EPB42: variants seen among roughly 807,000 people sequenced by gnomAD.
EPB42 encodes the protein erythrocyte membrane protein band 4.2.
In EPB42, 49 loss-of-function variants were observed where a neutral mutation model predicts 76.9. The observed-to-expected ratio is 0.64, with a 90% confidence interval of 0.51 to 0.81. EPB42 has a LOEUF of 0.81. EPB42 is among the 30% of genes least tolerant of loss of function. EPB42 has a pLI of 0.00. For missense variants in EPB42, 731 were observed against 867.6 expected (o/e 0.84, Z 1.98); for synonymous variants, 310 against 338.4 (o/e 0.92, Z 0.92).
In EPB42 at chr15:43,211,463, G is replaced by A; in HGVS notation, c.502C>T (p.Leu168=). ...GCCTGGATGCAGTCAGCTGTACCCA[G>A]GTAGATGAGACCATTCTGGTTCAAC... ...YLLNQNGLIY[L]GTADCIQAES... is the part of the protein sequence containing the mutation. Residue 168 remains leucine (L), a synonymous_variant, in exon 4 of 13, where the codon CTG becomes TTG. Transcript: ENST00000441366. 1.2e-6 allele frequency: 2 copies of A among 1,614,140 alleles called. No individual in the cohort carries two copies. The highest frequency in any genetic ancestry group is 1.7e-6 in the Non-Finnish European group (2 of 1,179,962).
chr15:43,217,527 G>C (rs997372301), intron 1 of EPB42, among the ~76,000 whole-genome samples: 1 of 114,946 alleles, frequency 8.7e-6, no homozygotes, highest in Admixed American at 1.1e-4. Flanking sequence ...GCAAGATAAG[G>C]AACAATGCTG....
chr15:43,202,523 G>C (rs149514084), intron 11 of EPB42, among the ~76,000 whole-genome samples: 8 of 152,280 alleles, frequency 5.3e-5, no homozygotes, highest in African/African-American at 1.2e-4. Context: ...AATTCCCTTT[G>C]CTTCACTTAT....
At position 43,208,738 on chromosome 15, in the gene EPB42, G is replaced by C. The variant is rs761816206; in HGVS notation, c.870C>G (p.Thr290=). 2 of 1,614,186 alleles carry C rather than the reference G, an allele frequency of 1.2e-6. No homozygotes were observed. The highest frequency in any genetic ancestry group is 4.5e-5 in the East Asian group (2 of 44,886). Residue 290 remains threonine, a synonymous_variant, in exon 7 of 13, where the codon ACC becomes ACG. Coordinates refer to ENST00000441366, the MANE Select transcript of EPB42 (RefSeq NM_001114134.2). ...RCLGIPARVV[T]TFASAQGTGG... The stretch of plus-strand genomic sequence containing the variant: ...CGGTGCCCTGTGCTGAGGCAAACGT[G>C]GTCACCACGCGGGCAGGGATTCCCA...
At chr15:43,201,211 C>T (rs2042119286) in intron 12 of EPB42, among the ~76,000 whole-genome samples, 1 of 152,158 alleles carries the variant, frequency 6.6e-6, no homozygotes, top group African/African-American at 2.4e-5. Context: ...TCTGGGTGCC[C>T]ATCTCTGTGG....
At chr15:43,212,632 G>A (rs535627128) in intron 3 of EPB42, among the ~76,000 whole-genome samples, 22 of 152,242 alleles carry the variant, frequency 1.4e-4, no homozygotes, top group Non-Finnish European at 2.8e-4. Context: ...GCGGGGTTGA[G>A]AGGTGGAAGT....
At chr15:43,198,077 C>T (rs1355666132) in intron 12 of EPB42, among the ~76,000 whole-genome samples, 2 of 152,140 alleles carry the variant, frequency 1.3e-5, no homozygotes, top group African/African-American at 4.8e-5. Context: ...CTTTTTCTTC[C>T]CAGTCTCAGG....
Position 43,207,367 on chromosome 15 carries a change from C to G in EPB42, c.1150G>C (p.Asp384His). The change falls in exon 9 of 13, where the codon GAC becomes CAC. Residue 384 changes from aspartate (D) to histidine (H), a missense_variant. Transcript: ENST00000441366. The part of the protein sequence containing the change: ...GTLGLTPAVS[D>H]LFAAINASCV... ...GAGGCATTTATGGCAGCAAAAAGGT[C>G]TGACACTGCTGGGGTCAGCCCCAGC... 1.2e-6 allele frequency: 2 copies of G among 1,614,220 alleles called. No homozygotes were observed. The highest frequency in any genetic ancestry group is 1.7e-6 in the Non-Finnish European group (2 of 1,180,046).
At chr15:43,207,092 AT>A in intron 9 of EPB42, 106 bp downstream of exon 9, 1 of 1,530,956 alleles carries the variant, frequency 6.5e-7, no homozygotes, top group South Asian at 1.2e-5. Context: ...GTTTTATATG[AT>A]GCGGAAAGGA....
intron 1 of EPB42, among the ~76,000 whole-genome samples, chr15:43,219,796 A>G (rs927848243): frequency 6.6e-6 from 1 of 152,100 alleles, no homozygotes; most frequent in Non-Finnish European, 1.5e-5. Context: ...AATACAAAAA[A>G]TTAGCCGGGC....
At chr15:43,216,575 C>T (rs547637264) in intron 1 of EPB42, 122 bp from the exon 2 acceptor site, 114 of 1,072,252 alleles carry the variant, frequency 1.1e-4, no homozygotes, top group South Asian at 9.7e-4. Context: ...GTTTTAGCTG[C>T]GCAATCCCAG....
At position 43,215,209 on chromosome 15, in the gene EPB42, C is replaced by G. The variant is rs1272554514; in HGVS notation, c.316G>C (p.Val106Leu). ...ATGACAGCGTCCGCAGGTGTGGTCA[C>G]AGAGATGGTCCAGGACTGGGCATCT... is the stretch of plus-strand genomic sequence containing the variant. Reference protein sequence around the residue: ...ERDAQSWTISVTTPADAVIGH... With the variant: ...ERDAQSWTISLTTPADAVIGH... The change falls in exon 3 of 13, where the codon GTG becomes CTG. Residue 106 changes from valine (V) to leucine (L), a missense_variant. Val to Leu is a conservative substitution (Grantham distance 32). Coordinates refer to ENST00000441366, the MANE Select transcript of EPB42 (RefSeq NM_001114134.2). 4 of 1,614,134 alleles carry G rather than the reference C, an allele frequency of 2.5e-6. No individual in the cohort carries two copies. The Admixed American group carries it at 5.0e-5, about 20-fold the overall frequency.
At chr15:43,212,937 T>C (rs752677739) in intron 3 of EPB42, among the ~76,000 whole-genome samples, 4 of 152,098 alleles carry the variant, frequency 2.6e-5, no homozygotes, top group Non-Finnish European at 4.4e-5. Context: ...TAGGCTAACC[T>C]CTCTGGAGCC....
chr15:43,207,758 G>A (rs899545736), intron 8 of EPB42, among the ~76,000 whole-genome samples: 6 of 152,200 alleles, frequency 3.9e-5, no homozygotes, highest in African/African-American at 1.2e-4. Context: ...ACAGGAATAG[G>A]GCTACCTTTC....
Position 43,219,132 on chromosome 15 carries a change from C to T in EPB42, c.10+1684G>A, listed in dbSNP as rs530722434. On this transcript the variant is annotated intron_variant, in intron 1 of 12. Coordinates refer to ENST00000441366, the MANE Select transcript of EPB42 (RefSeq NM_001114134.2). ...TTGCCAAGTTCTGTTGTGTAAACTA[C>T]GCCCCCTGTGGCCAGTCTGAAGCTA... Among the ~76,000 whole-genome samples, 305 of 152,262 alleles carry T rather than the reference C, an allele frequency of 2.0e-3. 1 individual carries two copies. Among genetic ancestry groups the T allele is most frequent in the African/African-American group, 7.1e-3 (294 of 41,538 alleles).
At position 43,208,305 on chromosome 15, in the gene EPB42, T is replaced by G. The variant is rs532062661; in HGVS notation, c.1000A>C (p.Met334Leu). Residue 334 changes from methionine to leucine, a missense_variant, in exon 8 of 13, where the codon ATG becomes CTG. Met to Leu is a conservative substitution (Grantham distance 15). Transcript: ENST00000441366. The stretch of plus-strand genomic sequence containing the variant: ...CCCTGGGGCAAGGCAGGCCGCGTCA[T>G]CCAGCACTCTGTGGAAGTCTGGAAG... ...WIFQTSTECW[M>L]TRPALPQGYD... The G allele has an allele frequency of 9.9e-6, 16 of 1,614,106 alleles. No homozygotes were observed. In the Admixed American group the frequency reaches 2.5e-4, roughly 25 times the overall value.
rs377523204 is a variant in EPB42 at position 43,203,275 on chromosome 15, T to A, written c.1619A>T (p.Glu540Val). 2 of 1,614,064 alleles carry A rather than the reference T, an allele frequency of 1.2e-6. No individual in the cohort carries two copies. The highest frequency in any genetic ancestry group is 1.7e-6 in the Non-Finnish European group (2 of 1,180,046). Residue 540 changes from glutamate to valine, a missense_variant and splice_region_variant, in exon 11 of 13, where the codon GAA (glutamate) becomes GTA (valine). Glu to Val is a moderately radical substitution (Grantham distance 121). Coordinates refer to ENST00000441366, the MANE Select transcript of EPB42 (RefSeq NM_001114134.2). ...KLHLTLSANL[E>V]KIITIGLFFS... Reference sequence around the variant, plus strand: ...GAACAGGCCGATGGTTATTATCTTTTCTGAAACACATGACAGGTGGAGTCA... The same window carrying A: ...GAACAGGCCGATGGTTATTATCTTTACTGAAACACATGACAGGTGGAGTCA...
At chr15:43,220,458 A>AAATC (rs1436810206) in intron 1 of EPB42, among the ~76,000 whole-genome samples, 1 of 152,024 alleles carries the variant, frequency 6.6e-6, no homozygotes, top group Non-Finnish European at 1.5e-5. Context: ...ATAAGAATAT[A>AAATC]AATCCATGTT....
upstream of EPB42, among the ~76,000 whole-genome samples, chr15:43,223,318 A>AAAAAC (rs1356569625): frequency 6.6e-6 from 1 of 152,228 alleles, no homozygotes; most frequent in East Asian, 1.9e-4. Flanking sequence ...AATCCGTCTC[A>AAAAAC]AAAACAAAAC....
In EPB42 at chr15:43,208,789, G is replaced by A. The variant is rs1352706697; in HGVS notation, c.833-14C>T. The A allele has an allele frequency of 1.4e-5, 23 of 1,613,342 alleles. No individual in the cohort carries two copies. Among genetic ancestry groups the A allele is most frequent in the Non-Finnish European group, 1.9e-5 (23 of 1,179,726 alleles). On this transcript the variant is annotated splice_polypyrimidine_tract_variant and intron_variant, in intron 6 of 12. Transcript: ENST00000441366. ...GGCATCGCAGCACTGTGAGAAGAGGGGCGGAGTGTCAGGGGGCGCTTGAGA... is the reference window on the plus strand; with the variant it reads ...GGCATCGCAGCACTGTGAGAAGAGGAGCGGAGTGTCAGGGGGCGCTTGAGA...
Sources: gnomAD v4.1 joint callset for allele counts (sites outside exome capture counted in the v4.1 genomes callset) on GRCh38, gnomAD v4.1.1 for gene constraint, MANE v1.5 for transcripts, NCBI Gene and HGNC (gene_info 2026-07-23, HGNC 2026-07-21) for gene names.